Variants in VPS13B observed in about 807,000 individuals in gnomAD.
VPS13B encodes the protein vacuolar protein sorting 13 homolog B, also known as intermembrane lipid transfer protein VPS13B.
In VPS13B, 285 loss-of-function variants were observed where a neutral mutation model predicts 426.4. That is an observed-to-expected ratio of 0.67 (90% CI 0.61 to 0.74). VPS13B has a LOEUF of 0.74. Ranked by LOEUF, VPS13B falls within the 30% of genes least tolerant of loss-of-function variation. VPS13B has a pLI of 0.00. For missense variants in VPS13B, 4,537 were observed against 4,782.6 expected, an observed-to-expected ratio of 0.95 and a Z score of 1.51; for synonymous variants, 1,676 against 1,676.4, an observed-to-expected ratio of 1.00 and a Z score of 0.01.
At chr8:99,628,612 G>A (rs1828710447) in intron 33 of VPS13B, among the ~76,000 whole-genome samples, 1 of 152,072 alleles carries the variant, frequency 6.6e-6, no homozygotes, top group South Asian at 2.1e-4. Flanking sequence ...GGAAACATGT[G>A]GACAACCACA....
chr8:99,383,324 T>C (rs1481765942), intron 19 of VPS13B, among the ~76,000 whole-genome samples: 1 of 152,148 alleles, frequency 6.6e-6, no homozygotes, highest in East Asian at 1.9e-4. Flanking sequence ...TAATACCTTC[T>C]TTCAAATCAT....
rs776334193 is a variant in VPS13B at position 99,642,088 on chromosome 8, A to C, written c.5498A>C (p.Lys1833Thr). Residue 1833 changes from lysine to threonine, a missense_variant, in exon 34 of 62, where the codon AAA (lysine) becomes ACA (threonine). Transcript: ENST00000357162. ...ACCTATTCCTGTATGGCCTTATCCAAATCGAAATCACAAGAACAGAAGAAT... is the reference window on the plus strand; with the variant it reads ...ACCTATTCCTGTATGGCCTTATCCACATCGAAATCACAAGAACAGAAGAAT... ...LMTYSCMALS[K>T]SKSQEQKNNE... 1 of 1,614,152 alleles carries C rather than the reference A, an allele frequency of 6.2e-7. No homozygotes were observed. The highest frequency in any genetic ancestry group is 1.1e-5 in the South Asian group (1 of 91,084).
chr8:99,753,521 C>G (rs1358495469), intron 39 of VPS13B, among the ~76,000 whole-genome samples: 5 of 152,148 alleles, frequency 3.3e-5, no homozygotes, highest in Non-Finnish European at 7.3e-5. Context: ...AAAGTTGCCC[C>G]TGCTCTAAGT....
rs1435769943 is a variant in VPS13B at position 99,511,337 on chromosome 8, T to G, written c.4458T>G (p.Ile1486Met). The change falls in exon 29 of 62, where the codon ATT becomes ATG. Residue 1486 changes from isoleucine (I) to methionine (M), a missense_variant. Physicochemically the swap from Ile to Met is conservative, Grantham distance 10 (BLOSUM62 1). Transcript: ENST00000357162. ...IVLYFPLLNA[I>M]ASIFQAKLPK... is the part of the protein sequence containing the mutation. ...TTTATTTTCCTTTACTTAATGCCAT[T>G]GCAAGTATATTTCAAGCAAAACTAC... The G allele has an allele frequency of 1.9e-6, 3 of 1,613,872 alleles. No individual in the cohort carries two copies. In the African/African-American group the frequency reaches 4.0e-5, roughly 22 times the overall value.
At chr8:99,475,516 ATTTTC>A (rs956424054) in intron 24 of VPS13B, among the ~76,000 whole-genome samples, 1 of 152,140 alleles carries the variant, frequency 6.6e-6, no homozygotes, top group Admixed American at 6.5e-5. Context: ...TATTTTTAAA[ATTTTC>A]TTTACTTTGA....
Position 99,700,180 on chromosome 8 carries a change from T to G in VPS13B, c.6454+248T>G, listed in dbSNP as rs541606322. Among the ~76,000 whole-genome samples the G allele has an allele frequency of 7.2e-5, 11 of 152,338 alleles. No homozygotes were observed. The East Asian group carries it at 2.1e-3, about 29-fold the overall frequency. On this transcript the variant is annotated intron_variant, in intron 36 of 61. Transcript: ENST00000357162. Reference sequence around the variant, plus strand: ...TGTTCTTCCAGGTATCTAAAACTGTTAATTCCTAAATTCCTTTTTACCTAA... The same window carrying G: ...TGTTCTTCCAGGTATCTAAAACTGTGAATTCCTAAATTCCTTTTTACCTAA...
chr8:99,663,607 G>C (rs1482200681), intron 35 of VPS13B, among the ~76,000 whole-genome samples: 1 of 152,148 alleles, frequency 6.6e-6, no homozygotes, highest in African/African-American at 2.4e-5. Flanking sequence ...CTGTGATACA[G>C]GGCCTTTTTA....
intron 2 of VPS13B, among the ~76,000 whole-genome samples, chr8:99,015,811 G>T (rs942481964): frequency 7.2e-5 from 11 of 152,026 alleles, no homozygotes; most frequent in Non-Finnish European, 1.6e-4. Context: ...ACTGAGGCAG[G>T]AGAATTGCTT....
intron 19 of VPS13B, among the ~76,000 whole-genome samples, chr8:99,317,263 C>G (rs961414613): frequency 6.6e-6 from 1 of 151,844 alleles, no homozygotes; most frequent in Non-Finnish European, 1.5e-5. Context: ...ATTATTTGTA[C>G]TTATTTATGG....
chr8:99,181,690 C>G (rs2132696266), intron 16 of VPS13B, among the ~76,000 whole-genome samples: 1 of 152,226 alleles, frequency 6.6e-6, no homozygotes, highest in South Asian at 2.1e-4. Context: ...TTTCAGTGAA[C>G]ATACATTTAT....
chr8:99,616,407 G>T (rs1212922844), intron 33 of VPS13B, among the ~76,000 whole-genome samples: 1 of 152,220 alleles, frequency 6.6e-6, no homozygotes, highest in African/African-American at 2.4e-5. Flanking sequence ...GCCTATAGGG[G>T]TGAAGGAGAG....
chr8:99,447,538 C>T (rs922110248), intron 23 of VPS13B, among the ~76,000 whole-genome samples: 5 of 152,138 alleles, frequency 3.3e-5, no homozygotes, highest in Non-Finnish European at 7.4e-5. Context: ...GTGGTAAACA[C>T]GGATGCTCAA....
chr8:99,520,752 A>T, intron 29 of VPS13B, 147 bp from the exon 30 acceptor site: 1 of 557,974 alleles, frequency 1.8e-6, no homozygotes, highest in Non-Finnish European at 3.2e-6. Context: ...TTTTTATTTT[A>T]AACATGATTT....
intron 19 of VPS13B, among the ~76,000 whole-genome samples, chr8:99,290,613 C>T (rs918182848): frequency 8.0e-5 from 12 of 150,592 alleles, no homozygotes; most frequent in African/African-American, 2.4e-4. Context: ...ATGTAACAAA[C>T]CTGCACGTTG....
intron 19 of VPS13B, among the ~76,000 whole-genome samples, chr8:99,338,639 T>A (rs1024292450): frequency 6.6e-6 from 1 of 152,192 alleles, no homozygotes; most frequent in Non-Finnish European, 1.5e-5. Flanking sequence ...TTATAGTTAA[T>A]GAAAACAATG....
chr8:99,286,564 C>A (rs1211491432), intron 19 of VPS13B, among the ~76,000 whole-genome samples: 5 of 152,062 alleles, frequency 3.3e-5, no homozygotes, highest in African/African-American at 1.2e-4. Flanking sequence ...ATTTGCGTAC[C>A]TTCAGTCAAT....
chr8:99,356,656 A>G (rs1447383849), intron 19 of VPS13B, among the ~76,000 whole-genome samples: 1 of 152,166 alleles, frequency 6.6e-6, no homozygotes, highest in Non-Finnish European at 1.5e-5. Flanking sequence ...CAAACAAACA[A>G]ACAAACAAGT....
intron 3 of VPS13B, among the ~76,000 whole-genome samples, chr8:99,069,641 C>A (rs914630349): frequency 6.6e-6 from 1 of 152,072 alleles, no homozygotes; most frequent in African/African-American, 2.4e-5. Context: ...CTGAGAATGA[C>A]AGCATGATCT....
At chr8:99,501,616 A>G in intron 25 of VPS13B, 71 bp from the exon 26 acceptor site, 1 of 1,462,150 alleles carries the variant, frequency 6.8e-7, no homozygotes, top group Non-Finnish European at 9.4e-7. Context: ...TCTGATTTTA[A>G]TTTATAATTT....
Sources: allele counts gnomAD v4.1 joint callset (sites outside exome capture counted in the v4.1 genomes callset), GRCh38; gene constraint gnomAD v4.1.1; transcripts MANE v1.5; gene names NCBI Gene and HGNC (gene_info 2026-07-23, HGNC 2026-07-21).